Variants in PTGFR observed in about 807,000 individuals in gnomAD.
The protein encoded by PTGFR is prostaglandin F2-alpha receptor.
A neutral mutation model predicts 26.2 loss-of-function variants in PTGFR; 15 were observed. That is an observed-to-expected ratio of 0.57 (90% CI 0.38 to 0.88). PTGFR has a LOEUF of 0.88. PTGFR is among the 40% of genes least tolerant of loss of function. The pLI is 0.00. For synonymous variants in PTGFR, 165 were observed against 151.1 expected (o/e 1.09, Z -0.68); for missense variants, 369 against 427.2 (o/e 0.86, Z 1.20).
chr1:78,515,466 G>A (rs1650070733), intron 2 of PTGFR, among the ~76,000 whole-genome samples: 1 of 152,132 alleles, frequency 6.6e-6, no homozygotes, highest in Non-Finnish European at 1.5e-5. Flanking sequence ...TAAATGAAAT[G>A]CCAAAATTAC....
intron 1 of PTGFR, among the ~76,000 whole-genome samples, chr1:78,492,405 CAG>C (rs1015810469): frequency 7.2e-5 from 11 of 152,048 alleles, no homozygotes; most frequent in African/African-American, 2.4e-4. Flanking sequence ...AGTGACGTGT[CAG>C]GGGGACATTC....
At chr1:78,526,826 T>A (rs1650385069) in intron 2 of PTGFR, among the ~76,000 whole-genome samples, 1 of 151,976 alleles carries the variant, frequency 6.6e-6, no homozygotes, top group Admixed American at 6.6e-5. Context: ...TGGGCTACAG[T>A]CACTCATTAA....
Position 78,507,213 on chromosome 1 carries a change from G to A in PTGFR, c.798+13672G>A, listed in dbSNP as rs144916940. Among the ~76,000 whole-genome samples the A allele has an allele frequency of 6.5e-3, 985 of 152,240 alleles. 3 individuals carry two copies. The highest frequency in any genetic ancestry group is 0.012 in the Admixed American group (184 of 15,282). On this transcript the variant is annotated intron_variant, in intron 2 of 2. Coordinates refer to ENST00000370757, the MANE Select transcript of PTGFR (RefSeq NM_000959.4). ...GTATCAGAGTTTAGCTACTCTGCAC[G>A]GCACAGACTGGGGTGTGTTTTCAGA...
chr1:78,519,900 T>C (rs1431243203), intron 2 of PTGFR, among the ~76,000 whole-genome samples: 4 of 152,180 alleles, frequency 2.6e-5, no homozygotes, highest in Non-Finnish European at 5.9e-5. Context: ...ATTGCAACTC[T>C]TCTCTTTTGA....
chr1:78,497,620 A>C (rs1322935), intron 2 of PTGFR, among the ~76,000 whole-genome samples: 33,199 of 152,162 alleles, frequency 0.22, 3,802 homozygotes, highest in Non-Finnish European at 0.24. Flanking sequence ...TGCTATGCGT[A>C]GTTCACCTAT....
At chr1:78,519,999 A>G (rs1334237450) in intron 2 of PTGFR, among the ~76,000 whole-genome samples, 3 of 152,008 alleles carry the variant, frequency 2.0e-5, no homozygotes, top group Non-Finnish European at 2.9e-5. Flanking sequence ...TTTTCCATAA[A>G]CTTGTAGTAA....
chr1:78,501,892 G>T (rs565669341), intron 2 of PTGFR, among the ~76,000 whole-genome samples: 2 of 152,166 alleles, frequency 1.3e-5, no homozygotes, highest in Admixed American at 1.3e-4. Context: ...TCATCACAGA[G>T]TGATTGGCAC....
intron 1 of PTGFR, among the ~76,000 whole-genome samples, chr1:78,491,917 C>A (rs1262661281): frequency 6.6e-6 from 1 of 152,020 alleles, no homozygotes; most frequent in Non-Finnish European, 1.5e-5. Flanking sequence ...GAGTGACAAG[C>A]AAATACTTCG....
chr1:78,531,461 A>G (rs966453941), intron 2 of PTGFR, among the ~76,000 whole-genome samples: 3 of 152,052 alleles, frequency 2.0e-5, no homozygotes, highest in African/African-American at 7.2e-5. Context: ...GCGAAGGCTT[A>G]TGGGGAGATG....
intron 2 of PTGFR, among the ~76,000 whole-genome samples, chr1:78,526,698 T>G (rs954396059): frequency 5.3e-5 from 8 of 152,128 alleles, no homozygotes; most frequent in Non-Finnish European, 8.8e-5. Context: ...TGAGCAATCC[T>G]TAGTCAGTGG....
chr1:78,535,615 C>T (rs1650626173), intron 2 of PTGFR, among the ~76,000 whole-genome samples: 1 of 152,102 alleles, frequency 6.6e-6, no homozygotes, highest in African/African-American at 2.4e-5. Flanking sequence ...CTTATTTGTT[C>T]CACAACTGTT....
rs1173578108 is a variant in PTGFR, at chr1:78,538,430, T to G, written c.*1743T>G. On this transcript the variant is annotated 3_prime_UTR_variant, in exon 3 of 3. Coordinates refer to ENST00000370757, the MANE Select transcript of PTGFR (RefSeq NM_000959.4). ...AAGGCTTTAAGGAGTGAGAGAGATG[T>G]GTACATATCTTAGGAGGGTTATCTA... is the stretch of plus-strand genomic sequence containing the variant. 1 of 151,912 alleles carries G rather than the reference T, an allele frequency of 6.6e-6. No homozygotes were observed. The highest frequency in any genetic ancestry group is 1.5e-5 in the Non-Finnish European group (1 of 67,974). The allele number at this position is 151,912 out of a possible 1,614,324, so 9.4% of individuals were successfully genotyped here.
At chr1:78,517,903 T>C (rs1467671097) in intron 2 of PTGFR, among the ~76,000 whole-genome samples, 1 of 152,196 alleles carries the variant, frequency 6.6e-6, no homozygotes, top group Non-Finnish European at 1.5e-5. Context: ...TGTTAGAAAT[T>C]TCATTTAATG....
At chr1:78,529,539 A>G (rs1202494095) in intron 2 of PTGFR, among the ~76,000 whole-genome samples, 3 of 152,306 alleles carry the variant, frequency 2.0e-5, no homozygotes, top group Non-Finnish European at 4.4e-5. Context: ...GTGCCAAAGT[A>G]AGGCATATAT....
At chr1:78,498,834 T>G (rs1649625947) in intron 2 of PTGFR, among the ~76,000 whole-genome samples, 1 of 152,200 alleles carries the variant, frequency 6.6e-6, no homozygotes, top group Non-Finnish European at 1.5e-5. Context: ...TAAATCATTT[T>G]AGCTAGTTTT....
intron 2 of PTGFR, among the ~76,000 whole-genome samples, chr1:78,525,855 G>C (rs1205193807): frequency 6.6e-6 from 1 of 152,030 alleles, no homozygotes; most frequent in East Asian, 1.9e-4. Context: ...TCCCTTCCAG[G>C]AACCAGGGAC....
At chr1:78,535,019 G>A (rs1476194882) in intron 2 of PTGFR, among the ~76,000 whole-genome samples, 1 of 152,156 alleles carries the variant, frequency 6.6e-6, no homozygotes, top group Admixed American at 6.6e-5. Flanking sequence ...AGGGGTTAAA[G>A]GTGGAGAGAG....
chr1:78,534,723 C>T lies in PTGFR; in HGVS notation c.799-1683C>T, dbSNP rs545136021. Among the ~76,000 whole-genome samples, 52 of 151,842 alleles carry T rather than the reference C, an allele frequency of 3.4e-4. No homozygotes were observed. The South Asian group carries it at 0.01, about 30-fold the overall frequency. On this transcript the variant is annotated intron_variant, in intron 2 of 2. Coordinates refer to ENST00000370757, the MANE Select transcript of PTGFR (RefSeq NM_000959.4). ...TTTTTTTTTCAAAAATGGAATCACACAATCAATACAGTTTGGCAATTTGCT... is the reference window on the plus strand; with the variant it reads ...TTTTTTTTTCAAAAATGGAATCACATAATCAATACAGTTTGGCAATTTGCT...
Position 78,537,718 on chromosome 1 carries a change from T to G in PTGFR, c.*1031T>G, listed in dbSNP as rs1264477945. The G allele has an allele frequency of 6.6e-6, 1 of 152,112 alleles. No individual in the cohort carries two copies. The highest frequency in any genetic ancestry group is 1.5e-5 in the Non-Finnish European group (1 of 68,006). 9.4% of individuals were successfully genotyped at this position (152,112 alleles called of 1,614,324 possible). ...TTCTGTTGAGAGCAGGTTCATTAAA[T>G]TTGTAAGATGGCATATTCTAAAGCC... On this transcript the variant is annotated 3_prime_UTR_variant, in exon 3 of 3. Coordinates refer to ENST00000370757, the MANE Select transcript of PTGFR (RefSeq NM_000959.4).
Sources: gnomAD v4.1 joint callset for allele counts (sites outside exome capture counted in the v4.1 genomes callset) on GRCh38, gnomAD v4.1.1 for gene constraint, MANE v1.5 for transcripts, NCBI Gene and HGNC (gene_info 2026-07-23, HGNC 2026-07-21) for gene names.